GSTCD: variants seen among roughly 807,000 people sequenced by gnomAD.
The protein encoded by GSTCD is glutathione S-transferase C-terminal domain containing, also known as glutathione S-transferase C-terminal domain-containing protein.
Under a neutral mutation model 68.3 loss-of-function variants are expected in GSTCD, and 44 were observed. The ratio of observed to expected loss-of-function variants is 0.64; its 90% CI spans 0.51 to 0.83. The LOEUF is 0.83. GSTCD is among the 40% of genes least tolerant of loss of function. GSTCD has a pLI of 0.00. For synonymous variants in GSTCD, 273 were observed against 255.2 expected (o/e 1.07, Z -0.67); for missense variants, 739 against 735.9 (o/e 1.00, Z -0.05).
intron 9 of GSTCD, among the ~76,000 whole-genome samples, chr4:105,836,034 A>C (rs1027473831): frequency 2.0e-5 from 3 of 151,398 alleles, no homozygotes; most frequent in African/African-American, 7.3e-5. Context: ...ATCTCATCTC[A>C]TCTCATCTCT....
chr4:105,734,069 T>C (rs1407590838), intron 5 of GSTCD, among the ~76,000 whole-genome samples: 1 of 152,232 alleles, frequency 6.6e-6, no homozygotes, highest in South Asian at 2.1e-4. Flanking sequence ...GTTAGTCTGA[T>C]GGGCTTCCTT....
intron 5 of GSTCD, among the ~76,000 whole-genome samples, chr4:105,748,835 G>A (rs1188459999): frequency 1.3e-5 from 2 of 151,730 alleles, no homozygotes; most frequent in African/African-American, 4.8e-5. Context: ...CAGAGTAATA[G>A]GAAAAATAAT....
At chr4:105,790,809 C>T (rs1735633498) in intron 5 of GSTCD, among the ~76,000 whole-genome samples, 1 of 151,994 alleles carries the variant, frequency 6.6e-6, no homozygotes, top group Non-Finnish European at 1.5e-5. Flanking sequence ...ATATAAGTAA[C>T]AGAAATTGCC....
rs1389861857 is a variant in GSTCD at position 105,846,052 on chromosome 4, G to A, written c.*475G>A. The A allele has an allele frequency of 1.3e-5, 2 of 157,682 alleles. No homozygotes were observed. Among genetic ancestry groups the A allele is most frequent in the Non-Finnish European group, 2.8e-5 (2 of 70,986 alleles). The allele number at this position is 157,682 out of a possible 1,614,324, so 9.8% of individuals were successfully genotyped here. A position where few individuals can be genotyped will look rare whatever the true frequency, so the allele number is the denominator to read the frequency against. On this transcript the variant is annotated 3_prime_UTR_variant, in exon 12 of 12. Transcript: ENST00000515279. ...TTTTCTATCACTTTAAAAAAATCTA[G>A]TCAGGTAATTATAGTACAGTTATTT...
chr4:105,750,148 C>T (rs569769107), intron 5 of GSTCD, among the ~76,000 whole-genome samples: 4 of 152,222 alleles, frequency 2.6e-5, no homozygotes, highest in East Asian at 1.9e-4. Flanking sequence ...ACACACCTAT[C>T]GGAATGTCTC....
At position 105,795,527 on chromosome 4, in the gene GSTCD, C is replaced by T. The variant is rs546768767; in HGVS notation, c.1241-27427C>T. On this transcript the variant is annotated intron_variant, in intron 5 of 11. Coordinates refer to ENST00000515279, the MANE Select transcript of GSTCD (RefSeq NM_001370181.1). ...TGGGCATTTAAGAATGTATATTCTG[C>T]CTAAGCTGGACACAAAGTTCATACC... Among the ~76,000 whole-genome samples the T allele has an allele frequency of 2.0e-5, 3 of 152,092 alleles. No homozygotes were observed. In the South Asian group the frequency reaches 6.2e-4, roughly 32 times the overall value.
intron 5 of GSTCD, among the ~76,000 whole-genome samples, chr4:105,805,171 G>T (rs900310116): frequency 6.6e-6 from 1 of 151,984 alleles, no homozygotes; most frequent in Non-Finnish European, 1.5e-5. Context: ...AACCCATATG[G>T]AATATGTGGA....
chr4:105,788,206 C>T (rs760125434), intron 5 of GSTCD, among the ~76,000 whole-genome samples: 6 of 151,990 alleles, frequency 3.9e-5, no homozygotes, highest in East Asian at 1.9e-4. Flanking sequence ...TATAGTGTAC[C>T]GCCATTTGTT....
chr4:105,814,607 C>CA (rs535496835), intron 5 of GSTCD, among the ~76,000 whole-genome samples: 13 of 150,146 alleles, frequency 8.7e-5, no homozygotes, highest in South Asian at 2.1e-4. Context: ...GACTCTGTCT[C>CA]AAAAAAAATA....
chr4:105,727,449 C>T (rs1243925768), intron 4 of GSTCD, among the ~76,000 whole-genome samples: 4 of 150,564 alleles, frequency 2.7e-5, no homozygotes, highest in Non-Finnish European at 5.9e-5. Flanking sequence ...GCTTGAACTT[C>T]GGAGGGCGGA....
chr4:105,806,749 A>G (rs1722518071), intron 5 of GSTCD, among the ~76,000 whole-genome samples: 1 of 152,126 alleles, frequency 6.6e-6, no homozygotes, highest in Admixed American at 6.6e-5. Context: ...TCAAAGAGAA[A>G]ATAGAAAAAT....
At chr4:105,816,131 T>C (rs1722970713) in intron 5 of GSTCD, among the ~76,000 whole-genome samples, 1 of 152,158 alleles carries the variant, frequency 6.6e-6, no homozygotes, top group Non-Finnish European at 1.5e-5. Context: ...GATTATACTT[T>C]CTTCAACTTT....
intron 5 of GSTCD, among the ~76,000 whole-genome samples, chr4:105,803,286 A>G (rs946623624): frequency 5.9e-5 from 9 of 152,096 alleles, no homozygotes; most frequent in Non-Finnish European, 1.2e-4. Context: ...CCAGTTCTAC[A>G]GGGGAAATAT....
chr4:105,824,994 G>A (rs891994975), intron 7 of GSTCD, among the ~76,000 whole-genome samples: 2 of 152,078 alleles, frequency 1.3e-5, no homozygotes, highest in African/African-American at 4.8e-5. Context: ...CATCAAGTTT[G>A]AATGCTCCCA....
intron 8 of GSTCD, among the ~76,000 whole-genome samples, chr4:105,828,456 A>T (rs1325269166): frequency 6.6e-6 from 1 of 152,208 alleles, no homozygotes; most frequent in Admixed American, 6.5e-5. Context: ...TCATTAAGGC[A>T]AAATAGGGGA....
chr4:105,712,080 A>G (rs1243217744), intron 1 of GSTCD, among the ~76,000 whole-genome samples: 1 of 152,250 alleles, frequency 6.6e-6, no homozygotes. Flanking sequence ...AAAGTTATTA[A>G]TAATACTCTC....
intron 5 of GSTCD, among the ~76,000 whole-genome samples, chr4:105,748,264 A>T (rs1414774490): frequency 1.3e-5 from 2 of 151,508 alleles, no homozygotes; most frequent in Non-Finnish European, 2.9e-5. Flanking sequence ...CAAGAAAAAG[A>T]AAAAAAAATA....
chr4:105,838,638 CAAGA>C (rs1053616415), intron 10 of GSTCD, among the ~76,000 whole-genome samples: 8 of 152,208 alleles, frequency 5.3e-5, no homozygotes, highest in African/African-American at 1.7e-4. Context: ...TGAAGAAACA[CAAGA>C]GACCCACAGA....
intron 5 of GSTCD, among the ~76,000 whole-genome samples, chr4:105,816,260 T>C (rs1475638147): frequency 1.3e-5 from 2 of 152,176 alleles, no homozygotes; most frequent in Admixed American, 6.5e-5. Context: ...GCATCTGCAG[T>C]ACTATAACAT....
Sources: allele counts gnomAD v4.1 joint callset (sites outside exome capture counted in the v4.1 genomes callset), GRCh38; gene constraint gnomAD v4.1.1; transcripts MANE v1.5; gene names NCBI Gene and HGNC (gene_info 2026-07-23, HGNC 2026-07-21).